The following FBLN1 variants were observed in gnomAD, a reference collection of about 807,000 sequenced individuals.
FBLN1 encodes fibulin 1.
A neutral mutation model predicts 89.7 loss-of-function variants in FBLN1; 34 were observed. That is an observed-to-expected ratio of 0.38 (90% CI 0.29 to 0.50). FBLN1 has a LOEUF of 0.50. FBLN1 is among the 20% of genes least tolerant of loss of function. FBLN1 has a pLI of 0.92. For synonymous variants in FBLN1, 393 were observed against 391.3 expected, an observed-to-expected ratio of 1.00 and a Z score of -0.05; for missense variants, 777 against 988.1, an observed-to-expected ratio of 0.79 and a Z score of 2.86.
intron 14 of FBLN1, among the ~76,000 whole-genome samples, chr22:45,570,427 A>G (rs1295924266): frequency 1.3e-5 from 2 of 151,750 alleles, no homozygotes; most frequent in African/African-American, 4.8e-5. Flanking sequence ...TTAGAAGAAA[A>G]CTGAGAAATG....
In FBLN1 at chr22:45,507,291, G is replaced by A. The variant is rs190614049; in HGVS notation, c.79+4227G>A. On this transcript the variant is annotated intron_variant, in intron 1 of 16. Transcript: ENST00000327858. Reference sequence around the variant, plus strand: ...CAGGTTATTTGCGGGTTACTACACTGTGCGGAGCCAACATGAGAAGGGGGT... The same window carrying A: ...CAGGTTATTTGCGGGTTACTACACTATGCGGAGCCAACATGAGAAGGGGGT... Among the ~76,000 whole-genome samples, 4 of 152,348 alleles carry A rather than the reference G, an allele frequency of 2.6e-5. No individual in the cohort carries two copies. In the East Asian group the frequency reaches 5.8e-4, roughly 22 times the overall value.
chr22:45,506,075 C>T lies in FBLN1; in HGVS notation c.79+3011C>T, dbSNP rs113821600. Among the ~76,000 whole-genome samples, 319 of 152,266 alleles carry T rather than the reference C, an allele frequency of 2.1e-3. 1 individual carries two copies. Among genetic ancestry groups the T allele is most frequent in the African/African-American group, 7.4e-3 (308 of 41,524 alleles). On this transcript the variant is annotated intron_variant, in intron 1 of 16. Coordinates refer to ENST00000327858, the MANE Select transcript of FBLN1 (RefSeq NM_006486.3). The stretch of plus-strand genomic sequence containing the variant: ...TGAGCCACCGTGCCGGCTGGCAGCC[C>T]TGTTATTAATGTTAGCTATTATTCC...
At chr22:45,505,165 G>A (rs76047855) in intron 1 of FBLN1, among the ~76,000 whole-genome samples, 2 of 152,362 alleles carry the variant, frequency 1.3e-5, no homozygotes, top group Admixed American at 6.5e-5. Context: ...TGTCCGTCCC[G>A]TTGGGCTTTA....
rs1350662062 is a variant in FBLN1, at chr22:45,536,365, C to A, written c.922+1028C>A. Among the ~76,000 whole-genome samples the A allele has an allele frequency of 6.6e-6, 1 of 152,020 alleles. No individual in the cohort carries two copies. The highest frequency in any genetic ancestry group is 1.5e-5 in the Non-Finnish European group (1 of 68,006). ...ATGGATGGGGGTGATGGTGGCACGA[C>A]AGTGTGAATGCAGTAATGCCCCTGA... On this transcript the variant is annotated intron_variant, in intron 8 of 16. Coordinates refer to ENST00000327858, the MANE Select transcript of FBLN1 (RefSeq NM_006486.3). The surrounding 1 kb of genome is among the most constrained non-coding windows in gnomAD (Gnocchi z 5.1).
Position 45,597,265 on chromosome 22 carries a change from T to C in FBLN1, c.1973-3042T>C, listed in dbSNP as rs1049498988. On this transcript the variant is annotated intron_variant, in intron 16 of 16. Coordinates refer to ENST00000327858, the MANE Select transcript of FBLN1 (RefSeq NM_006486.3). The surrounding 1 kb of genome is among the most constrained non-coding windows in gnomAD (Gnocchi z 4.2). The stretch of plus-strand genomic sequence containing the variant: ...ATCTGCCCGCCTAAGCCTCCCAAAG[T>C]GCTGGGATTACAAGCGTGAGCCACT... Among the ~76,000 whole-genome samples the C allele has an allele frequency of 2.6e-5, 4 of 152,208 alleles. No homozygotes were observed. The highest frequency in any genetic ancestry group is 9.6e-5 in the African/African-American group (4 of 41,456).
At position 45,519,712 on chromosome 22, in the gene FBLN1, G is replaced by A. The variant is rs374654307; in HGVS notation, c.185+925G>A. Among the ~76,000 whole-genome samples the A allele has an allele frequency of 2.2e-4, 33 of 151,930 alleles. 1 individual carries two copies. The highest frequency in any genetic ancestry group is 7.2e-4 in the African/African-American group (30 of 41,444). Reference sequence around the variant, plus strand: ...TAATAGTGAAAACCCCAGAATGCCCGTGTGGAGCACCTACTTTCTGTGTAC... The same window carrying A: ...TAATAGTGAAAACCCCAGAATGCCCATGTGGAGCACCTACTTTCTGTGTAC... On this transcript the variant is annotated intron_variant, in intron 2 of 16. Transcript: ENST00000327858.
intron 12 of FBLN1, 139 bp downstream of exon 12, chr22:45,547,343 C>G: frequency 1.9e-6 from 2 of 1,067,288 alleles, no homozygotes. Flanking sequence ...CATGTCCACC[C>G]TTGGAGGCAA....
chr22:45,570,355 G>GAAAAAAAAAAAAAA (rs56383142), intron 14 of FBLN1, among the ~76,000 whole-genome samples: 3 of 108,628 alleles, frequency 2.8e-5, no homozygotes, highest in African/African-American at 7.9e-5. Context: ...GAAAAGAAAA[G>GAAAAAAAAAAAAAA]AAAAAAAAAA....
intron 14 of FBLN1, among the ~76,000 whole-genome samples, chr22:45,553,115 C>T (rs963419000): frequency 1.3e-5 from 2 of 152,196 alleles, no homozygotes; most frequent in Admixed American, 6.5e-5. Context: ...TCCCGGACGA[C>T]GAGCGTGTGA....
intron 14 of FBLN1, among the ~76,000 whole-genome samples, chr22:45,552,550 C>T (rs1569252857): frequency 6.6e-6 from 1 of 152,240 alleles, no homozygotes; most frequent in Non-Finnish European, 1.5e-5. Flanking sequence ...ATCTAAGCTT[C>T]AGAAAGCAAT....
intron 1 of FBLN1, among the ~76,000 whole-genome samples, chr22:45,514,297 A>G (rs2088140618): frequency 6.6e-6 from 1 of 152,156 alleles, no homozygotes; most frequent in Non-Finnish European, 1.5e-5. Flanking sequence ...TGGGCTACAC[A>G]CATCTTTAAC....
At position 45,574,139 on chromosome 22, in the gene FBLN1, C is replaced by G. The variant is rs144330241; in HGVS notation, c.1698-372C>G. ...ATGTGTCCCTTGTTCACTTTGCTGT[C>G]CCTAGCAGCCGGCGCCTGGCACTCA... is the stretch of plus-strand genomic sequence containing the variant. On this transcript the variant is annotated intron_variant, in intron 14 of 16. Transcript: ENST00000327858. This position sits in a 1 kb window ranked among gnomAD's most constrained non-coding sequence, Gnocchi z 4.1. Among the ~76,000 whole-genome samples the G allele has an allele frequency of 4.2e-3, 635 of 152,330 alleles. 4 individuals carry two copies. Among genetic ancestry groups the G allele is most frequent in the African/African-American group, 0.014 (589 of 41,572 alleles).
intron 1 of FBLN1, among the ~76,000 whole-genome samples, chr22:45,506,692 G>A (rs1231556891): frequency 6.6e-6 from 1 of 152,150 alleles, no homozygotes; most frequent in Non-Finnish European, 1.5e-5. Flanking sequence ...GACTTCCAGG[G>A]AAACCCCCTC....
chr22:45,597,682 C>T lies in FBLN1; in HGVS notation c.1973-2625C>T, dbSNP rs947829264. Among the ~76,000 whole-genome samples, 6 of 152,112 alleles carry T rather than the reference C, an allele frequency of 3.9e-5. No homozygotes were observed. The highest frequency in any genetic ancestry group is 5.9e-5 in the Non-Finnish European group (4 of 68,022). On this transcript the variant is annotated intron_variant, in intron 16 of 16. Transcript: ENST00000327858. This position sits in a 1 kb window ranked among gnomAD's most constrained non-coding sequence, Gnocchi z 4.2. ...GTGGTGACAGGCGCACGTCTTTTGCCGGGAGCTGAAGACGTTCATGGGCTT... is the reference window on the plus strand; with the variant it reads ...GTGGTGACAGGCGCACGTCTTTTGCTGGGAGCTGAAGACGTTCATGGGCTT...
chr22:45,570,319 CAAA>C (rs761469854), intron 14 of FBLN1, among the ~76,000 whole-genome samples: 33 of 36,410 alleles, frequency 9.1e-4, no homozygotes, highest in African/African-American at 2.4e-3. Flanking sequence ...GACTCTGTCT[CAAA>C]AAAAAAAAAA....
chr22:45,595,392 A>G (rs2089175459), intron 16 of FBLN1, among the ~76,000 whole-genome samples: 2 of 152,130 alleles, frequency 1.3e-5, no homozygotes, highest in South Asian at 4.1e-4. Flanking sequence ...TACTTGTTCT[A>G]CCTTAATAAC....
At chr22:45,544,235 C>T (rs1360755797) in intron 11 of FBLN1, among the ~76,000 whole-genome samples, 1 of 152,182 alleles carries the variant, frequency 6.6e-6, no homozygotes, top group East Asian at 1.9e-4. Context: ...TACAGGTGCA[C>T]ACCACCATGC....
At chr22:45,504,583 G>A (rs937396522) in intron 1 of FBLN1, among the ~76,000 whole-genome samples, 9 of 152,178 alleles carry the variant, frequency 5.9e-5, no homozygotes, top group African/African-American at 2.2e-4. Flanking sequence ...AGGAGCCTCA[G>A]AGGCCCCGAT....
In FBLN1 at chr22:45,545,744, G is replaced by A. The variant is rs1020533585; in HGVS notation, c.1322-1341G>A. 3.3e-4 allele frequency among the ~76,000 whole-genome samples: 50 copies of A among 152,270 alleles called. No homozygotes were observed. Among genetic ancestry groups the A allele is most frequent in the African/African-American group, 1.0e-3 (42 of 41,550 alleles). ...AACACGGGGTGGAAGGCTATTGGAC[G>A]TTCTGTGACAGCCACATAGTATAGA... On this transcript the variant is annotated intron_variant, in intron 11 of 16. Transcript: ENST00000327858. The surrounding 1 kb of genome is among the most constrained non-coding windows in gnomAD (Gnocchi z 5.9).
Sources: gnomAD v4.1 joint callset for allele counts (sites outside exome capture counted in the v4.1 genomes callset) on GRCh38, gnomAD v4.1.1 for gene constraint, Gnocchi (gnomAD v3.1) non-coding constraint, MANE v1.5 for transcripts, NCBI Gene and HGNC (gene_info 2026-07-23, HGNC 2026-07-21) for gene names.